The following MTA3 variants were observed in gnomAD, a reference collection of about 807,000 sequenced individuals.
MTA3 encodes the protein metastasis associated 1 family member 3.
MTA3 carries 34 observed loss-of-function variants against 83.5 expected under a neutral mutation model. That is an observed-to-expected ratio of 0.41 (90% CI 0.31 to 0.54). The LOEUF (loss-of-function observed/expected upper bound fraction) is 0.54, where lower values mean the gene tolerates loss of function less well. Ranked by LOEUF, MTA3 falls within the 20% of genes least tolerant of loss-of-function variation. The pLI is 0.33. For synonymous variants in MTA3, 303 were observed against 252.7 expected, an observed-to-expected ratio of 1.20 and a Z score of -1.89; for missense variants, 761 against 726.4, an observed-to-expected ratio of 1.05 and a Z score of -0.55.
intron 2 of MTA3, among the ~76,000 whole-genome samples, chr2:42,515,958 A>G (rs1166409500): frequency 6.6e-6 from 1 of 150,466 alleles, no homozygotes; most frequent in Non-Finnish European, 1.5e-5. Flanking sequence ...CTCCTGCTTC[A>G]GCCTCCTGAG....
At chr2:42,741,233 G>A (rs570286329) in intron 16 of MTA3, among the ~76,000 whole-genome samples, 1 of 152,332 alleles carries the variant, frequency 6.6e-6, no homozygotes, top group African/African-American at 2.4e-5. Context: ...TTAGGGCCCT[G>A]CTCTGGATTA....
chr2:42,748,977 C>A (rs1012829729), intron 16 of MTA3, among the ~76,000 whole-genome samples: 2 of 152,130 alleles, frequency 1.3e-5, no homozygotes, highest in African/African-American at 2.4e-5. Flanking sequence ...TTTACCAGGC[C>A]CCTTTAACTT....
intron 8 of MTA3, among the ~76,000 whole-genome samples, chr2:42,674,461 G>T (rs1162525193): frequency 6.6e-6 from 1 of 152,208 alleles, no homozygotes; most frequent in African/African-American, 2.4e-5. Context: ...AGAACAGCTT[G>T]TGCTGGGTTC....
intron 14 of MTA3, 169 bp downstream of exon 14, chr2:42,709,265 A>G: frequency 3.6e-6 from 5 of 1,400,024 alleles, no homozygotes; most frequent in Non-Finnish European, 4.6e-6. Flanking sequence ...TGCCATTTGT[A>G]TCATGCCAAC....
At chr2:42,586,197 C>T (rs571684138) in intron 3 of MTA3, among the ~76,000 whole-genome samples, 3 of 151,452 alleles carry the variant, frequency 2.0e-5, no homozygotes, top group African/African-American at 4.8e-5. Context: ...TTGCTTGAAC[C>T]CGGAAGGTGG....
chr2:42,619,676 A>T (rs1386650992), intron 4 of MTA3, among the ~76,000 whole-genome samples: 1 of 152,246 alleles, frequency 6.6e-6, no homozygotes, highest in African/African-American at 2.4e-5. Flanking sequence ...ATTCAAAAAA[A>T]GGGAAGGACT....
Position 42,753,474 on chromosome 2 carries a change from A to G in MTA3, c.*75A>G. On this transcript the variant is annotated 3_prime_UTR_variant, in exon 17 of 17. Coordinates refer to ENST00000405094, the MANE Select transcript of MTA3 (RefSeq NM_001330442.2). ...GATGTTCACAGCCGTGCCTGGGAAGAAGGCAGCCCCACTCCCAGTACATTT... is the reference window on the plus strand; with the variant it reads ...GATGTTCACAGCCGTGCCTGGGAAGGAGGCAGCCCCACTCCCAGTACATTT... The G allele has an allele frequency of 4.5e-6, 7 of 1,548,920 alleles. No homozygotes were observed. The highest frequency in any genetic ancestry group is 6.1e-6 in the Non-Finnish European group (7 of 1,145,968).
At position 42,514,682 on chromosome 2, in the gene MTA3, C is replaced by CTTTTTTTTTTTTTTTTTTTT. The variant is rs767598363; in HGVS notation, c.-141+19434_-141+19453dup. On this transcript the variant is annotated intron_variant, in intron 2 of 17. Coordinates refer to the MTA3 transcript ENST00000405592. ...GATTACAGGCATGAGCGCCCAGCCC[C>CTTTTTTTTTTTTTTTTTTTT]TTTTTTTTTTTTTTTTTTTTTTTTT... 1.6e-3 allele frequency among the ~76,000 whole-genome samples: 86 copies of CTTTTTTTTTTTTTTTTTTTT among 53,484 alleles called. 21 individuals carry two copies. The highest frequency in any genetic ancestry group is 2.7e-3 in the Admixed American group (8 of 2,972). The allele number at this position is 53,484 out of a possible 152,430, so 35.1% of individuals were successfully genotyped here.
At chr2:42,697,158 G>A (rs1399383296) in intron 10 of MTA3, among the ~76,000 whole-genome samples, 3 of 152,146 alleles carry the variant, frequency 2.0e-5, no homozygotes, top group Admixed American at 1.3e-4. Context: ...ATGTTGGTCA[G>A]TGTCTGGATT....
At chr2:42,702,606 G>T (rs552553020) in intron 11 of MTA3, 1 of 152,160 alleles carries the variant, frequency 6.6e-6, no homozygotes, top group African/African-American at 2.4e-5. Flanking sequence ...ATTCATTTCC[G>T]ATAAATTATT....
chr2:42,733,146 C>G (rs1003694760), intron 16 of MTA3, among the ~76,000 whole-genome samples: 7 of 152,188 alleles, frequency 4.6e-5, no homozygotes, highest in Non-Finnish European at 1.0e-4. Context: ...CTGTATTAGT[C>G]TGTTTTCACA....
At chr2:42,553,626 T>C (rs1214755084) in intron 2 of MTA3, among the ~76,000 whole-genome samples, 1 of 149,796 alleles carries the variant, frequency 6.7e-6, no homozygotes, top group Non-Finnish European at 1.5e-5. Context: ...TCCCAGCTAC[T>C]CGAGAGGCTG....
intron 16 of MTA3, among the ~76,000 whole-genome samples, chr2:42,734,923 C>G (rs74434009): frequency 0.012 from 1,775 of 152,218 alleles, 31 homozygotes; most frequent in African/African-American, 0.041. Context: ...CTGCTTATCT[C>G]TTGCAAAGTT....
At chr2:42,549,497 A>ATG (rs1676990965) in intron 2 of MTA3, among the ~76,000 whole-genome samples, 3 of 35,588 alleles carry the variant, frequency 8.4e-5, no homozygotes, top group Non-Finnish European at 1.1e-4. Flanking sequence ...ATTATATATT[A>ATG]TATCATATAT....
chr2:42,682,562 A>G lies in MTA3; in HGVS notation c.864A>G (p.Lys288=), dbSNP rs370192354. 175 of 1,612,162 alleles carry G rather than the reference A, an allele frequency of 1.1e-4. No individual in the cohort carries two copies. Among genetic ancestry groups the G allele is most frequent in the Non-Finnish European group, 1.4e-4 (170 of 1,179,214 alleles). ...LFEEALEKYG[K]DFNDIRQDFL... The stretch of plus-strand genomic sequence containing the variant: ...AAGAGGCACTGGAAAAATATGGCAA[A>G]GACTTCAATGACATACGGCAAGATT... Residue 288 remains lysine, a synonymous_variant, in exon 9 of 17, where the codon AAA becomes AAG. Coordinates refer to ENST00000405094, the MANE Select transcript of MTA3 (RefSeq NM_001330442.2).
At chr2:42,631,355 T>A (rs1395833837) in intron 4 of MTA3, among the ~76,000 whole-genome samples, 2 of 152,254 alleles carry the variant, frequency 1.3e-5, no homozygotes, top group Non-Finnish European at 2.9e-5. Flanking sequence ...GATGTGTGTT[T>A]ATACTATATA....
intron 2 of MTA3, among the ~76,000 whole-genome samples, chr2:42,532,475 A>T (rs1016563350): frequency 6.6e-6 from 1 of 152,170 alleles, no homozygotes; most frequent in African/African-American, 2.4e-5. Flanking sequence ...GCGCCTCTGC[A>T]CTCCAGCCTG....
At chr2:42,638,050 A>G (rs1687351932) in intron 4 of MTA3, among the ~76,000 whole-genome samples, 1 of 152,206 alleles carries the variant, frequency 6.6e-6, no homozygotes, top group Non-Finnish European at 1.5e-5. Context: ...TAGCCTTAAA[A>G]AAAAGTACCT....
intron 2 of MTA3, among the ~76,000 whole-genome samples, chr2:42,498,867 C>A (rs1674266812): frequency 6.6e-6 from 1 of 152,078 alleles, no homozygotes; most frequent in Admixed American, 6.6e-5. Context: ...CCAGCCAAGC[C>A]CTGAGCCCTT....
Sources: gnomAD v4.1 joint callset for allele counts (sites outside exome capture counted in the v4.1 genomes callset) on GRCh38, gnomAD v4.1.1 for gene constraint, MANE v1.5 for transcripts, NCBI Gene and HGNC (gene_info 2026-07-23, HGNC 2026-07-21) for gene names.